FHIT: variants seen among roughly 807,000 people sequenced by gnomAD.
The protein encoded by FHIT is bis(5'-adenosyl)-triphosphatase.
A neutral mutation model predicts 17.9 loss-of-function variants in FHIT; 19 were observed. The observed-to-expected ratio is 1.06, with a 90% CI of 0.74 to 1.56. The LOEUF is 1.56. Ranked by LOEUF, FHIT falls within the 40% of genes most tolerant of loss-of-function variation. FHIT has a pLI of 0.00. For missense variants in FHIT, 248 were observed against 189.2 expected (o/e 1.31, Z -1.82); for synonymous variants, 81 against 69.7 (o/e 1.16, Z -0.81).
chr3:60,511,230 G>A (rs550301208), intron 5 of FHIT, among the ~76,000 whole-genome samples: 2 of 152,204 alleles, frequency 1.3e-5, no homozygotes, highest in South Asian at 2.1e-4. Flanking sequence ...AATATGTATC[G>A]TACTGAGAAT....
intron 5 of FHIT, among the ~76,000 whole-genome samples, chr3:60,187,599 C>A (rs1399038477): frequency 6.6e-6 from 1 of 152,112 alleles, no homozygotes; most frequent in Non-Finnish European, 1.5e-5. Flanking sequence ...ACCAGCCCTG[C>A]CTATTACATT....
intron 2 of FHIT, among the ~76,000 whole-genome samples, chr3:61,042,382 TCAAAGATGAAATCATAAGCAGTATGGAA>T (rs2033560237): frequency 6.6e-6 from 1 of 152,134 alleles, no homozygotes; most frequent in Non-Finnish European, 1.5e-5. Flanking sequence ...CTTAAAGTGT[TCAAAGATGAAATCATAAGCAGTATGGAA>T]CCTCGGAGGT....
intron 8 of FHIT, among the ~76,000 whole-genome samples, chr3:59,833,826 G>C (rs1399003759): frequency 6.6e-6 from 1 of 152,144 alleles, no homozygotes; most frequent in Non-Finnish European, 1.5e-5. Flanking sequence ...CCTCCATGCT[G>C]TTCTTGTGAT....
intron 5 of FHIT, among the ~76,000 whole-genome samples, chr3:60,290,739 G>A (rs1225316236): frequency 6.6e-6 from 1 of 152,082 alleles, no homozygotes; most frequent in African/African-American, 2.4e-5. Flanking sequence ...ACTGAATTGG[G>A]TTTTGCCTGT....
At chr3:60,924,107 G>A (rs1171113485) in intron 3 of FHIT, among the ~76,000 whole-genome samples, 2 of 152,222 alleles carry the variant, frequency 1.3e-5, no homozygotes, top group African/African-American at 4.8e-5. Flanking sequence ...AGGCCTGCCT[G>A]CCTCTGTAGA....
At chr3:60,562,726 C>T (rs183624311) in intron 4 of FHIT, among the ~76,000 whole-genome samples, 1 of 152,210 alleles carries the variant, frequency 6.6e-6, no homozygotes, top group East Asian at 1.9e-4. Context: ...TTGACCTGAC[C>T]CCTAGGTAAT....
chr3:60,627,553 TG>T (rs2039322574), intron 4 of FHIT, among the ~76,000 whole-genome samples: 1 of 152,166 alleles, frequency 6.6e-6, no homozygotes, highest in Non-Finnish European at 1.5e-5. Flanking sequence ...CCACCCAGGC[TG>T]GAGTGCAGTG....
intron 5 of FHIT, among the ~76,000 whole-genome samples, chr3:60,469,360 C>T (rs1476498711): frequency 1.3e-5 from 2 of 149,030 alleles, no homozygotes; most frequent in Admixed American, 6.6e-5. Flanking sequence ...TCTCTTTTGT[C>T]TCCTCTGACT....
intron 3 of FHIT, among the ~76,000 whole-genome samples, chr3:60,843,420 G>GT (rs1157603488): frequency 6.6e-6 from 1 of 152,080 alleles, no homozygotes; most frequent in Non-Finnish European, 1.5e-5. Flanking sequence ...ACTATAAATA[G>GT]TTTCTTATAA....
At chr3:61,063,212 C>T (rs536990841) in intron 2 of FHIT, among the ~76,000 whole-genome samples, 81 of 146,900 alleles carry the variant, frequency 5.5e-4, no homozygotes, top group African/African-American at 1.8e-3. Flanking sequence ...GCTGAGACCG[C>T]GCCACTGCAC....
At chr3:61,214,615 C>A (rs1162029008) in intron 1 of FHIT, among the ~76,000 whole-genome samples, 2 of 152,034 alleles carry the variant, frequency 1.3e-5, no homozygotes, top group Non-Finnish European at 2.9e-5. Context: ...TGAAACTATT[C>A]CAATCAATAG....
intron 5 of FHIT, among the ~76,000 whole-genome samples, chr3:60,179,429 G>A (rs1324899665): frequency 6.6e-6 from 1 of 152,124 alleles, no homozygotes; most frequent in African/African-American, 2.4e-5. Flanking sequence ...ATTGTTAATG[G>A]TTTCCTTCTG....
chr3:60,857,854 G>A (rs1216759645), intron 3 of FHIT, among the ~76,000 whole-genome samples: 1 of 152,184 alleles, frequency 6.6e-6, no homozygotes, highest in Non-Finnish European at 1.5e-5. Flanking sequence ...ACTGAGCCCA[G>A]GAGTTCAAGG....
At chr3:60,819,753 G>A (rs371671786) in intron 4 of FHIT, among the ~76,000 whole-genome samples, 1 of 152,086 alleles carries the variant, frequency 6.6e-6, no homozygotes, top group African/African-American at 2.4e-5. Flanking sequence ...CCAGAGTTCC[G>A]AGAGGTTGAG....
chr3:60,541,168 T>A lies in FHIT; in HGVS notation c.-17-4189A>T, dbSNP rs535451949. On this transcript the variant is annotated intron_variant, in intron 4 of 9. Coordinates refer to ENST00000492590, the MANE Select transcript of FHIT (RefSeq NM_002012.4). ...CCAGTGATGGGAAGTTCATCACACA[T>A]TCCTCCTAAGACAGTCAACTCTACA... Among the ~76,000 whole-genome samples the A allele has an allele frequency of 6.2e-4, 95 of 152,328 alleles. 1 individual carries two copies. Among genetic ancestry groups the A allele is most frequent in the African/African-American group, 2.1e-3 (89 of 41,584 alleles).
chr3:60,006,285 A>G (rs1300615919), intron 7 of FHIT, among the ~76,000 whole-genome samples: 1 of 152,200 alleles, frequency 6.6e-6, no homozygotes, highest in East Asian at 1.9e-4. Context: ...CAAGTCATAT[A>G]ATCAGAGTAA....
intron 9 of FHIT, chr3:59,750,593 C>T (rs767937413): frequency 4.4e-5 from 10 of 225,132 alleles, no homozygotes; most frequent in Non-Finnish European, 6.2e-5. Flanking sequence ...CATATCCCCC[C>T]AGGCAACTGA....
rs570140859 is a variant in FHIT, at chr3:60,176,291, G to A, written c.104-162139C>T. On this transcript the variant is annotated intron_variant, in intron 5 of 9. Transcript: ENST00000492590. Reference sequence around the variant, plus strand: ...TGCTTGAACCCAGGAGGCAAAGGTTGCAGAGAGCTGAGCTCGTACCACTGC... The same window carrying A: ...TGCTTGAACCCAGGAGGCAAAGGTTACAGAGAGCTGAGCTCGTACCACTGC... 6.6e-5 allele frequency among the ~76,000 whole-genome samples: 10 copies of A among 152,298 alleles called. No homozygotes were observed. The South Asian group carries it at 1.9e-3, about 28-fold the overall frequency.
Position 61,106,506 on chromosome 3 carries a change from T to C in FHIT, c.-163-64407A>G, listed in dbSNP as rs1330875648. ...CAACAACCATCATTCTACTCTCTGC[T>C]TCTATGAGCTTGGCTTTTTTAATTA... is the stretch of plus-strand genomic sequence containing the variant. On this transcript the variant is annotated intron_variant, in intron 2 of 9. Coordinates refer to ENST00000492590, the MANE Select transcript of FHIT (RefSeq NM_002012.4). Among the ~76,000 whole-genome samples, 3 of 152,292 alleles carry C rather than the reference T, an allele frequency of 2.0e-5. No homozygotes were observed. In the East Asian group the frequency reaches 5.8e-4, roughly 29 times the overall value.
Sources: gnomAD v4.1 joint callset for allele counts (sites outside exome capture counted in the v4.1 genomes callset) on GRCh38, gnomAD v4.1.1 for gene constraint, MANE v1.5 for transcripts, NCBI Gene and HGNC (gene_info 2026-07-23, HGNC 2026-07-21) for gene names.